GALNTL6: variants seen among roughly 807,000 people sequenced by gnomAD.
GALNTL6 encodes the protein polypeptide N-acetylgalactosaminyltransferase-like 6.
A neutral mutation model predicts 73.7 loss-of-function variants in GALNTL6; 46 were observed. The observed-to-expected ratio is 0.62, with a 90% CI of 0.49 to 0.80. The LOEUF (loss-of-function observed/expected upper bound fraction) is 0.80, where lower values mean the gene tolerates loss of function less well. Ranked by LOEUF, GALNTL6 falls within the 30% of genes least tolerant of loss-of-function variation. GALNTL6 has a pLI of 0.00. For missense variants in GALNTL6, 604 were observed against 755.0 expected, an observed-to-expected ratio of 0.80 and a Z score of 2.34; for synonymous variants, 259 against 263.7, an observed-to-expected ratio of 0.98 and a Z score of 0.17.
chr4:172,251,835 G>A (rs1041259231), intron 3 of GALNTL6, among the ~76,000 whole-genome samples: 15 of 152,038 alleles, frequency 9.9e-5, no homozygotes, highest in Non-Finnish European at 2.2e-4. Flanking sequence ...CAGGAGCATC[G>A]TGAAGACACC....
At chr4:172,577,151 G>A (rs995122758) in intron 5 of GALNTL6, among the ~76,000 whole-genome samples, 1 of 152,050 alleles carries the variant, frequency 6.6e-6, no homozygotes, top group Admixed American at 6.6e-5. Flanking sequence ...CATTCTCCTG[G>A]GTGACCTTAA....
intron 2 of GALNTL6, among the ~76,000 whole-genome samples, chr4:171,846,707 T>C (rs1444559827): frequency 6.7e-6 from 1 of 150,352 alleles, no homozygotes. Context: ...TATGGACATA[T>C]ATAGATTTTT....
At chr4:172,917,075 G>C (rs1747560582) in intron 8 of GALNTL6, among the ~76,000 whole-genome samples, 1 of 152,134 alleles carries the variant, frequency 6.6e-6, no homozygotes, top group South Asian at 2.1e-4. Flanking sequence ...ATGGAACAGA[G>C]CCCTCAGAAA....
chr4:171,816,128 A>C (rs1045765985), intron 2 of GALNTL6: 4 of 152,098 alleles, frequency 2.6e-5, no homozygotes, highest in African/African-American at 9.7e-5. Flanking sequence ...GATTTTAATA[A>C]CTTTAGTAGT....
intron 10 of GALNTL6, among the ~76,000 whole-genome samples, chr4:172,958,150 A>G (rs1422668456): frequency 6.6e-6 from 1 of 152,204 alleles, no homozygotes; most frequent in African/African-American, 2.4e-5. Flanking sequence ...GGAAGAAAAT[A>G]GATTTTGGAA....
chr4:172,171,674 CAA>C (rs557479024), intron 2 of GALNTL6, among the ~76,000 whole-genome samples: 7 of 126,556 alleles, frequency 5.5e-5, no homozygotes, highest in African/African-American at 8.9e-5. Context: ...ATCAAAAATA[CAA>C]AAAAAAAAAA....
At chr4:172,478,640 A>G (rs1733327485) in intron 5 of GALNTL6, among the ~76,000 whole-genome samples, 1 of 152,204 alleles carries the variant, frequency 6.6e-6, no homozygotes, top group Non-Finnish European at 1.5e-5. Flanking sequence ...AAAATGCAAC[A>G]AAAACAAAAA....
At chr4:172,042,024 A>G (rs1201365044) in intron 2 of GALNTL6, among the ~76,000 whole-genome samples, 1 of 152,032 alleles carries the variant, frequency 6.6e-6, no homozygotes, top group East Asian at 1.9e-4. Flanking sequence ...GCCACTTGAA[A>G]AGGTCATGTG....
chr4:172,111,612 T>A (rs1227507247), intron 2 of GALNTL6, among the ~76,000 whole-genome samples: 1 of 152,072 alleles, frequency 6.6e-6, no homozygotes, highest in African/African-American at 2.4e-5. Context: ...CTATTCACTA[T>A]GAATTTTTAT....
At chr4:172,968,282 C>T (rs548749306) in intron 10 of GALNTL6, among the ~76,000 whole-genome samples, 61 of 152,244 alleles carry the variant, frequency 4.0e-4, no homozygotes, top group South Asian at 8.3e-4. Flanking sequence ...CAAGCATTCA[C>T]GCCCAATAGG....
chr4:172,325,032 A>G (rs1412308389), intron 4 of GALNTL6, among the ~76,000 whole-genome samples: 5 of 151,736 alleles, frequency 3.3e-5, no homozygotes, highest in African/African-American at 4.8e-5. Flanking sequence ...TTTGTCAAAA[A>G]GAAGAAAAAA....
intron 5 of GALNTL6, among the ~76,000 whole-genome samples, chr4:172,519,518 T>C (rs906714874): frequency 1.3e-5 from 2 of 151,216 alleles, no homozygotes; most frequent in African/African-American, 4.8e-5. Context: ...TCTTTTTTTT[T>C]TTTTAATTTA....
intron 2 of GALNTL6, among the ~76,000 whole-genome samples, chr4:172,195,583 G>A (rs1735736388): frequency 6.6e-6 from 1 of 151,976 alleles, no homozygotes. Context: ...AGCATGACAA[G>A]CAGTCAAGCA....
intron 7 of GALNTL6, among the ~76,000 whole-genome samples, chr4:172,823,271 G>T (rs543063405): frequency 1.3e-5 from 2 of 152,254 alleles, no homozygotes; most frequent in South Asian, 2.1e-4. Context: ...CTCACCCAAA[G>T]CTTCATTGCT....
At chr4:172,339,255 CACCACA>C (rs1561033952) in intron 4 of GALNTL6, among the ~76,000 whole-genome samples, 1 of 128,386 alleles carries the variant, frequency 7.8e-6, no homozygotes, top group Non-Finnish European at 1.6e-5. Context: ...CACACACACA[CACCACA>C]CACACACACA....
At chr4:172,569,142 G>A (rs982611616) in intron 5 of GALNTL6, among the ~76,000 whole-genome samples, 24 of 152,128 alleles carry the variant, frequency 1.6e-4, no homozygotes, top group African/African-American at 4.6e-4. Context: ...AGACTGGATG[G>A]CTTATAAATA....
intron 5 of GALNTL6, among the ~76,000 whole-genome samples, chr4:172,638,507 C>T (rs1739803395): frequency 6.6e-6 from 1 of 152,070 alleles, no homozygotes; most frequent in African/African-American, 2.4e-5. Flanking sequence ...TTTCTCTCCC[C>T]TCTCTCTGGT....
intron 2 of GALNTL6, among the ~76,000 whole-genome samples, chr4:172,000,221 A>C (rs1740630619): frequency 1.3e-5 from 2 of 152,232 alleles, no homozygotes; most frequent in Admixed American, 6.5e-5. Flanking sequence ...TAAATGAGAT[A>C]TAATTGAACA....
intron 2 of GALNTL6, among the ~76,000 whole-genome samples, chr4:172,141,882 A>ACACACAC (rs1560939807): frequency 3.7e-5 from 4 of 108,950 alleles, no homozygotes; most frequent in African/African-American, 1.4e-4. Context: ...AACACACACA[A>ACACACAC]ACACACACAC....
Sources: gnomAD v4.1 joint callset for allele counts (sites outside exome capture counted in the v4.1 genomes callset) on GRCh38, gnomAD v4.1.1 for gene constraint, MANE v1.5 for transcripts, NCBI Gene and HGNC (gene_info 2026-07-23, HGNC 2026-07-21) for gene names.